Variants in SMYD1 observed in about 807,000 individuals in gnomAD.
SMYD1 encodes SET and MYND domain containing 1.
Under a neutral mutation model 54.0 loss-of-function variants are expected in SMYD1, and 49 were observed. The observed-to-expected ratio is 0.91, with a 90% CI of 0.72 to 1.15. The LOEUF is 1.15. SMYD1 is among the 50% of genes most tolerant of loss of function. The pLI, the probability that SMYD1 is intolerant of heterozygous loss-of-function variation, is 0.00. For synonymous variants in SMYD1, 269 were observed against 234.2 expected (o/e 1.15, Z -1.36); for missense variants, 653 against 639.6 (o/e 1.02, Z -0.23).
At chr2:88,089,199 T>G (rs1674408094) in intron 3 of SMYD1, among the ~76,000 whole-genome samples, 1 of 152,230 alleles carries the variant, frequency 6.6e-6, no homozygotes, top group Non-Finnish European at 1.5e-5. Flanking sequence ...GAGATCAGTC[T>G]TTATTCTATT....
At chr2:88,091,228 C>T in intron 4 of SMYD1, 86 bp downstream of exon 4, 1 of 1,387,748 alleles carries the variant, frequency 7.2e-7, no homozygotes, top group South Asian at 1.4e-5. Flanking sequence ...CCAAAGTCAA[C>T]CTGCTAAACC....
In SMYD1 at chr2:88,086,418, C is replaced by T. The variant is rs1674326544; in HGVS notation, c.315-1444C>T. Among the ~76,000 whole-genome samples the T allele has an allele frequency of 2.0e-5, 3 of 152,174 alleles. No homozygotes were observed. The South Asian group carries it at 6.2e-4, about 32-fold the overall frequency. ...CAGGAACATTAAAGTGTCCCTGGGT[C>T]ATAAGCTTCATCACAGGCCACCTAA... On this transcript the variant is annotated intron_variant, in intron 2 of 9. Coordinates refer to ENST00000419482, the MANE Select transcript of SMYD1 (RefSeq NM_198274.4).
At position 88,103,102 on chromosome 2, in the gene SMYD1, T is replaced by C. The variant is rs977925896; in HGVS notation, c.933T>C (p.Asp311=). 2.5e-6 allele frequency: 4 copies of C among 1,614,046 alleles called. No individual in the cohort carries two copies. The highest frequency in any genetic ancestry group is 3.4e-6 in the Non-Finnish European group (4 of 1,179,984). Residue 311 remains aspartate, a synonymous_variant, in exon 7 of 10, where the codon GAT becomes GAC. Transcript: ENST00000419482. The part of the protein sequence containing the change: ...VVKEMIQFSK[D]TLEKIDKARS... ...AGGAGATGATACAATTCTCCAAGGA[T>C]ACATTGGAAAAGATAGACAAGGCTC...
intron 2 of SMYD1, among the ~76,000 whole-genome samples, chr2:88,087,079 CA>C (rs57379534): frequency 0.5 from 41,843 of 83,646 alleles, 9,454 homozygotes; most frequent in East Asian, 0.8. Context: ...GTATAGCTTC[CA>C]AAAAAAAAAA....
At chr2:88,091,842 T>A (rs1674469192) in intron 4 of SMYD1, among the ~76,000 whole-genome samples, 2 of 152,162 alleles carry the variant, frequency 1.3e-5, no homozygotes, top group South Asian at 2.1e-4. Context: ...CCAGCTTGGG[T>A]GACAAAGTGA....
Position 88,111,272 on chromosome 2 carries a change from G to A in SMYD1, c.*760G>A, listed in dbSNP as rs1387290965. 1 of 152,208 alleles carries A rather than the reference G, an allele frequency of 6.6e-6. No homozygotes were observed. Among genetic ancestry groups the A allele is most frequent in the African/African-American group, 2.4e-5 (1 of 41,452 alleles). 9.4% of individuals were successfully genotyped at this position (152,208 alleles called of 1,614,324 possible). Reference sequence around the variant, plus strand: ...GAAATATTTCTAGAACACACAGAGAGGGAATAAGTCCCTCTATCACCCTTA... The same window carrying A: ...GAAATATTTCTAGAACACACAGAGAAGGAATAAGTCCCTCTATCACCCTTA... On this transcript the variant is annotated 3_prime_UTR_variant, in exon 10 of 10. Coordinates refer to ENST00000419482, the MANE Select transcript of SMYD1 (RefSeq NM_198274.4).
chr2:88,095,783 G>A (rs1352410858), intron 5 of SMYD1, among the ~76,000 whole-genome samples: 4 of 152,150 alleles, frequency 2.6e-5, no homozygotes, highest in Non-Finnish European at 5.9e-5. Context: ...AGAGGTCCAC[G>A]GACTGACCTC....
In SMYD1 at chr2:88,094,824, G is replaced by A. The variant is rs374440123; in HGVS notation, c.698+1269G>A. Reference sequence around the variant, plus strand: ...GGCTGCCTCTGTAAAAGGGACTCGTGGGGGCAGAATTGGTTACTTACCCAA... The same window carrying A: ...GGCTGCCTCTGTAAAAGGGACTCGTAGGGGCAGAATTGGTTACTTACCCAA... On this transcript the variant is annotated intron_variant, in intron 5 of 9. Coordinates refer to ENST00000419482, the MANE Select transcript of SMYD1 (RefSeq NM_198274.4). 9.9e-5 allele frequency among the ~76,000 whole-genome samples: 15 copies of A among 152,162 alleles called. No individual in the cohort carries two copies. In the East Asian group the frequency reaches 2.5e-3, roughly 26 times the overall value.
chr2:88,088,172 A>G, intron 3 of SMYD1, 97 bp downstream of exon 3: 1 of 1,291,072 alleles, frequency 7.7e-7, no homozygotes, highest in Non-Finnish European at 1.1e-6. Context: ...GAAGTGAACT[A>G]AGAGGCAGAA....
rs550242209 is a variant in SMYD1 at position 88,108,203 on chromosome 2, G to T, written c.1146-168G>T. 5.3e-5 allele frequency among the ~76,000 whole-genome samples: 8 copies of T among 152,320 alleles called. No individual in the cohort carries two copies. In the East Asian group the frequency reaches 1.4e-3, roughly 26 times the overall value. Reference sequence around the variant, plus strand: ...CACTGTGTAGAATGTTTGGCAACTTGTTCCATATCTCTGTGCCTCAGTTCC... The same window carrying T: ...CACTGTGTAGAATGTTTGGCAACTTTTTCCATATCTCTGTGCCTCAGTTCC... On this transcript the variant is annotated intron_variant, in intron 8 of 9. Coordinates refer to ENST00000419482, the MANE Select transcript of SMYD1 (RefSeq NM_198274.4).
In SMYD1 at chr2:88,106,506, G is replaced by A. The variant is rs746466877; in HGVS notation, c.1145+18G>A. On this transcript the variant is annotated intron_variant, in intron 8 of 9. Coordinates refer to ENST00000419482, the MANE Select transcript of SMYD1 (RefSeq NM_198274.4). Reference sequence around the variant, plus strand: ...GGCTATATGTAGGTGACGATTCTAGGTCTCAGATAGTCTCCTGGAAGTGTG... The same window carrying A: ...GGCTATATGTAGGTGACGATTCTAGATCTCAGATAGTCTCCTGGAAGTGTG... 1.2e-6 allele frequency: 2 copies of A among 1,606,046 alleles called. No individual in the cohort carries two copies. Among genetic ancestry groups the A allele is most frequent in the South Asian group, 1.1e-5 (1 of 90,764 alleles).
At chr2:88,095,062 A>G (rs1259259083) in intron 5 of SMYD1, among the ~76,000 whole-genome samples, 3 of 152,142 alleles carry the variant, frequency 2.0e-5, no homozygotes, top group Non-Finnish European at 2.9e-5. Flanking sequence ...TCATGATGGT[A>G]TGAAGTTCCA....
intron 8 of SMYD1, 140 bp from the exon 9 acceptor site, chr2:88,108,231 C>T (rs925005301): frequency 5.4e-6 from 4 of 745,734 alleles, no homozygotes; most frequent in Admixed American, 8.1e-5. Flanking sequence ...TCAGTTCCCC[C>T]TTGGCGGCTA....
chr2:88,090,965 T>C (rs1296483045), intron 3 of SMYD1, 47 bp from the exon 4 acceptor site: 8 of 1,576,364 alleles, frequency 5.1e-6, no homozygotes, highest in Non-Finnish European at 6.9e-6. Flanking sequence ...AGGATGTTGT[T>C]CTGTCCATGT....
At chr2:88,087,420 G>A (rs1412508217) in intron 2 of SMYD1, among the ~76,000 whole-genome samples, 2 of 152,090 alleles carry the variant, frequency 1.3e-5, no homozygotes, top group Non-Finnish European at 2.9e-5. Context: ...TGCTCCCTGT[G>A]CTCCAGCCAC....
At chr2:88,080,371 T>A (rs1674161476) in intron 1 of SMYD1, among the ~76,000 whole-genome samples, 1 of 152,234 alleles carries the variant, frequency 6.6e-6, no homozygotes, top group African/African-American at 2.4e-5. Context: ...TATTAGTGTA[T>A]ACATGAAATA....
chr2:88,085,634 C>T (rs777806305), intron 2 of SMYD1, among the ~76,000 whole-genome samples: 6 of 152,170 alleles, frequency 3.9e-5, no homozygotes, highest in Non-Finnish European at 5.9e-5. Context: ...GTAAATGGCA[C>T]CTCCTATGAT....
At chr2:88,108,325 T>C in intron 8 of SMYD1, 46 bp from the exon 9 acceptor site, 3 of 1,493,106 alleles carry the variant, frequency 2.0e-6, no homozygotes, top group Non-Finnish European at 1.8e-6. Context: ...AGTGCAGATA[T>C]AAGGGTGATT....
chr2:88,085,746 G>A (rs895780264), intron 2 of SMYD1, among the ~76,000 whole-genome samples: 7 of 152,104 alleles, frequency 4.6e-5, no homozygotes, highest in Admixed American at 2.6e-4. Flanking sequence ...GTGCTGAGTC[G>A]TATTTTCCCC....
Sources: allele counts gnomAD v4.1 joint callset (sites outside exome capture counted in the v4.1 genomes callset), GRCh38; gene constraint gnomAD v4.1.1; transcripts MANE v1.5; gene names NCBI Gene and HGNC (gene_info 2026-07-23, HGNC 2026-07-21).